The following EXT1 variants were observed in gnomAD, a reference collection of about 807,000 sequenced individuals.
EXT1 encodes the protein exostosin-1.
In EXT1, 20 loss-of-function variants were observed where a neutral mutation model predicts 82.5. The observed-to-expected ratio is 0.24, with a 90% CI of 0.17 to 0.35. EXT1 has a LOEUF of 0.35. Ranked by LOEUF, EXT1 falls within the 10% of genes least tolerant of loss-of-function variation. The pLI is 1.00. For synonymous variants in EXT1, 348 were observed against 350.8 expected, an observed-to-expected ratio of 0.99 and a Z score of 0.09; for missense variants, 757 against 936.5, an observed-to-expected ratio of 0.81 and a Z score of 2.50.
intron 1 of EXT1, among the ~76,000 whole-genome samples, chr8:117,955,021 T>A (rs1814560195): frequency 6.6e-6 from 1 of 152,134 alleles, no homozygotes; most frequent in African/African-American, 2.4e-5. Context: ...CCTCCTCAAG[T>A]TCAATCGTTT....
At chr8:117,840,734 C>T (rs1395577051) in intron 1 of EXT1, among the ~76,000 whole-genome samples, 2 of 151,736 alleles carry the variant, frequency 1.3e-5, no homozygotes, top group Non-Finnish European at 2.9e-5. Context: ...AATAATCAAA[C>T]TTTAAAAGAG....
intron 1 of EXT1, among the ~76,000 whole-genome samples, chr8:117,941,100 T>C (rs1011554759): frequency 2.0e-5 from 3 of 152,158 alleles, no homozygotes; most frequent in Non-Finnish European, 4.4e-5. Context: ...AAAGAAATAA[T>C]TCTCTCAATA....
chr8:117,992,470 A>G (rs1010297981), intron 1 of EXT1, among the ~76,000 whole-genome samples: 16 of 150,478 alleles, frequency 1.1e-4, no homozygotes, highest in Non-Finnish European at 1.8e-4. Context: ...AAAATGTTCA[A>G]GCAGATGGAT....
intron 9 of EXT1, among the ~76,000 whole-genome samples, chr8:117,805,809 C>A (rs537575499): frequency 1.3e-5 from 2 of 152,210 alleles, no homozygotes; most frequent in Admixed American, 6.5e-5. Flanking sequence ...GCTATCTACC[C>A]TCACTAGTTT....
At chr8:118,048,708 T>C (rs1380472924) in intron 1 of EXT1, among the ~76,000 whole-genome samples, 2 of 152,144 alleles carry the variant, frequency 1.3e-5, no homozygotes, top group Non-Finnish European at 2.9e-5. Context: ...ATTAAAAATA[T>C]AGAAGTTAAG....
chr8:118,003,884 C>T (rs1345037198), intron 1 of EXT1, among the ~76,000 whole-genome samples: 1 of 152,076 alleles, frequency 6.6e-6, no homozygotes, highest in Non-Finnish European at 1.5e-5. Context: ...GGTTTTTGTA[C>T]TTTTCTACAC....
intron 1 of EXT1, among the ~76,000 whole-genome samples, chr8:117,932,994 C>A (rs1025213364): frequency 6.6e-6 from 1 of 152,070 alleles, no homozygotes; most frequent in African/African-American, 2.4e-5. Context: ...CATACTGGCC[C>A]CCTTCTGTTC....
At chr8:117,871,207 C>A (rs1477934828) in intron 1 of EXT1, among the ~76,000 whole-genome samples, 1 of 152,138 alleles carries the variant, frequency 6.6e-6, no homozygotes. Context: ...AAAAATCAAC[C>A]CTAATAGTGT....
intron 1 of EXT1, among the ~76,000 whole-genome samples, chr8:117,955,031 TG>T (rs1456518974): frequency 6.6e-6 from 1 of 152,176 alleles, no homozygotes; most frequent in Non-Finnish European, 1.5e-5. Flanking sequence ...TTCAATCGTT[TG>T]CTAGAAGGGG....
intron 1 of EXT1, among the ~76,000 whole-genome samples, chr8:117,909,180 C>T (rs925996560): frequency 2.0e-5 from 3 of 151,772 alleles, no homozygotes; most frequent in Admixed American, 2.0e-4. Context: ...GGTGTCATGG[C>T]TAAAAAAGAA....
At chr8:118,062,131 G>A (rs905063245) in intron 1 of EXT1, among the ~76,000 whole-genome samples, 1 of 152,074 alleles carries the variant, frequency 6.6e-6, no homozygotes, top group African/African-American at 2.4e-5. Context: ...ACGTGGACAC[G>A]TGTTCCATGA....
intron 1 of EXT1, among the ~76,000 whole-genome samples, chr8:117,870,226 T>C (rs962411943): frequency 2.0e-5 from 3 of 152,218 alleles, no homozygotes; most frequent in Non-Finnish European, 4.4e-5. Context: ...GATGTGATAA[T>C]GACATATCTC....
chr8:118,046,263 A>AT (rs1816620887), intron 1 of EXT1, among the ~76,000 whole-genome samples: 2 of 152,276 alleles, frequency 1.3e-5, no homozygotes, highest in South Asian at 4.2e-4. Flanking sequence ...TTTAAGGAGC[A>AT]GCAGATAAGG....
intron 1 of EXT1, among the ~76,000 whole-genome samples, chr8:118,022,441 G>A (rs1388950304): frequency 6.5e-5 from 9 of 138,738 alleles, no homozygotes; most frequent in Non-Finnish European, 1.4e-4. Flanking sequence ...AGGTTCAAGC[G>A]ATTCTCCTGC....
At chr8:117,926,320 T>A (rs763764001) in intron 1 of EXT1, among the ~76,000 whole-genome samples, 1 of 152,224 alleles carries the variant, frequency 6.6e-6, no homozygotes, top group Non-Finnish European at 1.5e-5. Context: ...AAGCTGACCA[T>A]TGCTTTACAG....
intron 2 of EXT1, 151 bp from the exon 3 acceptor site, chr8:117,835,702 T>G (rs1455384073): frequency 1.0e-5 from 7 of 678,362 alleles, no homozygotes; most frequent in Non-Finnish European, 1.6e-5. Flanking sequence ...GAAGCTTTTA[T>G]GAGTTATCAA....
chr8:117,856,687 G>A (rs10098896), intron 1 of EXT1, among the ~76,000 whole-genome samples: 8,997 of 152,092 alleles, frequency 0.059, 266 homozygotes, highest in East Asian at 0.11. Flanking sequence ...TCATAATAGC[G>A]CAAGGTGAAG....
intron 1 of EXT1, among the ~76,000 whole-genome samples, chr8:117,950,625 T>C (rs1449015694): frequency 6.6e-6 from 1 of 152,216 alleles, no homozygotes; most frequent in Non-Finnish European, 1.5e-5. Flanking sequence ...CAAGTCCAAA[T>C]TGTCCCTTTA....
intron 1 of EXT1, among the ~76,000 whole-genome samples, chr8:118,054,209 G>A (rs1039107763): frequency 1.3e-5 from 2 of 152,106 alleles, no homozygotes; most frequent in African/African-American, 4.8e-5. Context: ...CCATAGCAAT[G>A]GTCTGTTGAG....
Sources: allele counts gnomAD v4.1 joint callset (sites outside exome capture counted in the v4.1 genomes callset), GRCh38; gene constraint gnomAD v4.1.1; transcripts MANE v1.5; gene names NCBI Gene and HGNC (gene_info 2026-07-23, HGNC 2026-07-21).